Variants in NOTCH2 observed in about 807,000 individuals in gnomAD.
The protein encoded by NOTCH2 is neurogenic locus notch homolog protein 2.
Under a neutral mutation model 235.8 loss-of-function variants are expected in NOTCH2, and 29 were observed. The observed-to-expected ratio is 0.12, with a 90% CI of 0.09 to 0.17. NOTCH2 has a LOEUF of 0.17. Ranked by LOEUF, NOTCH2 falls within the 10% of genes least tolerant of loss-of-function variation. The pLI, the probability that NOTCH2 is intolerant of heterozygous loss-of-function variation, is 1.00. For synonymous variants in NOTCH2, 1,086 were observed against 1,141.5 expected (o/e 0.95, Z 0.98); for missense variants, 2,285 against 3,150.2 (o/e 0.73, Z 6.57).
intron 2 of NOTCH2, among the ~76,000 whole-genome samples, chr1:120,025,146 T>A (rs1305518002): frequency 1.3e-5 from 2 of 150,982 alleles, no homozygotes; most frequent in Non-Finnish European, 3.0e-5. Flanking sequence ...AGGAGAAAAA[T>A]TCCTGGAAAA....
Position 119,953,570 on chromosome 1 carries a change from T to C in NOTCH2, c.2338A>G (p.Arg780Gly), listed in dbSNP as rs782487598. The C allele has an allele frequency of 1.2e-6, 2 of 1,614,208 alleles. No homozygotes were observed. The highest frequency in any genetic ancestry group is 1.1e-5 in the South Asian group (1 of 91,084). Residue 780 changes from arginine to glycine, a missense_variant, in exon 14 of 34, where the codon AGG (arginine) becomes GGG (glycine). Physicochemically the swap from Arg to Gly is moderately radical, Grantham distance 125. Transcript: ENST00000256646. ...GTCDNLVNGY[R>G]CTCKKGFKGY... ...TTAAAGCCCTTCTTGCAAGTACACC[T>C]GTATCCATTCACCAGATTGTCACAA... is the stretch of plus-strand genomic sequence containing the variant.
chr1:119,977,270 C>T (rs1304820334), intron 5 of NOTCH2, among the ~76,000 whole-genome samples: 1 of 152,062 alleles, frequency 6.6e-6, no homozygotes, highest in South Asian at 2.1e-4. Flanking sequence ...TCTGTTCCTA[C>T]CCAAAGTGTC....
intron 3 of NOTCH2, among the ~76,000 whole-genome samples, chr1:120,004,038 T>TA (rs1170657988): frequency 2.0e-5 from 3 of 150,622 alleles, no homozygotes; most frequent in Non-Finnish European, 4.5e-5. Flanking sequence ...GAAAAAATAT[T>TA]AGACATTGTA....
chr1:119,945,772 G>A (rs1361949685), intron 17 of NOTCH2, among the ~76,000 whole-genome samples: 1 of 151,958 alleles, frequency 6.6e-6, no homozygotes, highest in Non-Finnish European at 1.5e-5. Flanking sequence ...GATAGTAAAA[G>A]ATTTCAATAC....
intron 5 of NOTCH2, among the ~76,000 whole-genome samples, chr1:119,971,299 T>A (rs1651351344): frequency 6.6e-6 from 1 of 152,244 alleles, no homozygotes; most frequent in South Asian, 2.1e-4. Flanking sequence ...GTGCTCGGCA[T>A]AACCCTTCCA....
At chr1:120,028,593 G>T (rs1653965627) in intron 2 of NOTCH2, among the ~76,000 whole-genome samples, 1 of 138,982 alleles carries the variant, frequency 7.2e-6, no homozygotes, top group African/African-American at 2.7e-5. Context: ...CTTTAGTGAA[G>T]AAAATTATTT....
chr1:120,017,953 A>G (rs1341374087), intron 2 of NOTCH2, among the ~76,000 whole-genome samples: 1 of 152,060 alleles, frequency 6.6e-6, no homozygotes, highest in African/African-American at 2.4e-5. Flanking sequence ...AATAGCATGA[A>G]CTGCTAGATT....
chr1:119,919,645 A>G (rs1212946872), intron 30 of NOTCH2, 32 bp from the exon 31 acceptor site: 2 of 1,603,666 alleles, frequency 1.2e-6, no homozygotes, highest in African/African-American at 1.3e-5. Flanking sequence ...TAAAGTACTC[A>G]AGAAGGAGAA....
intron 17 of NOTCH2, among the ~76,000 whole-genome samples, chr1:119,942,873 CTTTTT>C (rs587671333): frequency 1.6e-5 from 2 of 128,788 alleles, no homozygotes; most frequent in African/African-American, 3.0e-5. Flanking sequence ...GTCCATATGT[CTTTTT>C]TTTTTTTTTT....
In NOTCH2 at chr1:119,921,821, A is replaced by G. The variant is rs770224035; in HGVS notation, c.5214-12T>C. 2.9e-5 allele frequency: 46 copies of G among 1,602,096 alleles called. No individual in the cohort carries two copies. In the Middle Eastern group the frequency reaches 9.9e-4, roughly 34 times the overall value. ...GCACTGAGAGATTTCTAATATGATTATAAAAAGAAAAAATAAGAATGGCAG... is the reference window on the plus strand; with the variant it reads ...GCACTGAGAGATTTCTAATATGATTGTAAAAAGAAAAAATAAGAATGGCAG... On this transcript the variant is annotated splice_polypyrimidine_tract_variant and intron_variant, in intron 28 of 33. Coordinates refer to ENST00000256646, the MANE Select transcript of NOTCH2 (RefSeq NM_024408.4).
rs1553199293 is a variant in NOTCH2, at chr1:119,963,627, C to T, written c.1862G>A (p.Arg621His). The change falls in exon 11 of 34, where the codon CGC (arginine) becomes CAC (histidine). Residue 621 changes from arginine (R) to histidine (H), a missense_variant. Physicochemically the swap from Arg to His is conservative, Grantham distance 29. Transcript: ENST00000256646. ...CYSSPCLNDG[R>H]CIDLVNGYQC... ...GTAGCCATTGACCAGGTCAATGCAG[C>T]GACCATCGTTCAGGCAAGGGCTGCT... The T allele has an allele frequency of 3.1e-6, 5 of 1,614,110 alleles. No individual in the cohort carries two copies. Among genetic ancestry groups the T allele is most frequent in the South Asian group, 2.2e-5 (2 of 91,088 alleles).
At chr1:119,981,181 C>T (rs1651798416) in intron 5 of NOTCH2, among the ~76,000 whole-genome samples, 1 of 152,194 alleles carries the variant, frequency 6.6e-6, no homozygotes. Context: ...TCTCTGTCAA[C>T]AGTTCCCATC....
intron 2 of NOTCH2, among the ~76,000 whole-genome samples, chr1:120,011,302 GTC>G (rs1409987128): frequency 1.3e-5 from 2 of 151,952 alleles, no homozygotes; most frequent in African/African-American, 4.8e-5. Context: ...AACAAACTTT[GTC>G]TCTCTACAAT....
Position 119,966,434 on chromosome 1 carries a change from A to G in NOTCH2, c.1509T>C (p.Cys503=). The G allele has an allele frequency of 6.2e-7, 1 of 1,614,084 alleles. No individual in the cohort carries two copies. Among genetic ancestry groups the G allele is most frequent in the East Asian group, 2.2e-5 (1 of 44,878 alleles). ...TATCCACACACTGCCCATTGTTCAC[A>G]CAAGGGTTGCTCTGACATTCATTTA... is the stretch of plus-strand genomic sequence containing the variant. The part of the protein sequence containing the change: ...LEINECQSNP[C]VNNGQCVDKV... Residue 503 remains cysteine, a synonymous_variant, in exon 9 of 34, where the codon TGT becomes TGC. Coordinates refer to ENST00000256646, the MANE Select transcript of NOTCH2 (RefSeq NM_024408.4).
chr1:119,979,055 T>A lies in NOTCH2; in HGVS notation c.874+7905A>T, dbSNP rs587710507. Among the ~76,000 whole-genome samples the A allele has an allele frequency of 1.8e-4, 28 of 152,278 alleles. No homozygotes were observed. In the South Asian group the frequency reaches 5.2e-3, roughly 28 times the overall value. ...TGTACACTCAAGACATTTAGACATGTTTACGTTCTACAAAGAAATAAAAAA... is the reference window on the plus strand; with the variant it reads ...TGTACACTCAAGACATTTAGACATGATTACGTTCTACAAAGAAATAAAAAA... On this transcript the variant is annotated intron_variant, in intron 5 of 33. Coordinates refer to ENST00000256646, the MANE Select transcript of NOTCH2 (RefSeq NM_024408.4).
intron 3 of NOTCH2, among the ~76,000 whole-genome samples, chr1:119,997,922 C>T (rs587612708): frequency 7.0e-6 from 1 of 143,020 alleles, no homozygotes; most frequent in Non-Finnish European, 1.5e-5. Context: ...TGCAGTGAGC[C>T]GAGATTGTAC....
chr1:119,979,990 G>A (rs781929423), intron 5 of NOTCH2, among the ~76,000 whole-genome samples: 12 of 152,026 alleles, frequency 7.9e-5, no homozygotes, highest in Admixed American at 2.6e-4. Context: ...TGTCGTTCTC[G>A]TGGACCAATT....
At chr1:119,929,337 C>T in intron 22 of NOTCH2, 125 bp from the exon 23 acceptor site, 2 of 790,978 alleles carry the variant, frequency 2.5e-6, no homozygotes, top group East Asian at 2.6e-5. Context: ...GGTAGTGGGA[C>T]CTTGTAGTTG....
chr1:119,946,412 T>C (rs1650256530), intron 17 of NOTCH2, among the ~76,000 whole-genome samples: 1 of 152,086 alleles, frequency 6.6e-6, no homozygotes, highest in Non-Finnish European at 1.5e-5. Context: ...TAACAACATT[T>C]TGGCAAATCA....
Sources: allele counts gnomAD v4.1 joint callset (sites outside exome capture counted in the v4.1 genomes callset), GRCh38; gene constraint gnomAD v4.1.1; transcripts MANE v1.5; gene names NCBI Gene and HGNC (gene_info 2026-07-23, HGNC 2026-07-21).